SMIM36: variants seen among roughly 807,000 people sequenced by gnomAD.
The protein encoded by SMIM36 is small integral membrane protein 36.
chr17:55,531,532 A>G, the SMIM36 span, among the ~76,000 whole-genome samples: 2 of 152,220 alleles, frequency 1.3e-5, no homozygotes. Flanking sequence ...ATGAACAATA[A>G]ATATTTGTGG....
intron 1 of SMIM36, among the ~76,000 whole-genome samples, chr17:55,487,397 G>T (rs900316535): frequency 7.9e-5 from 12 of 152,128 alleles, no homozygotes; most frequent in East Asian, 5.8e-4. Flanking sequence ...TTTAGGACAG[G>T]GTTCTATGGG....
chr17:55,450,365 CA>C (rs1908889430), intron 4 of SMIM36, 67 bp from the exon 5 acceptor site: 1 of 152,228 alleles, frequency 6.6e-6, no homozygotes, highest in Non-Finnish European at 1.5e-5. Context: ...ATTGTTACAG[CA>C]GTCAAGTGAA....
chr17:55,523,982 C>A, the SMIM36 span, among the ~76,000 whole-genome samples: 2 of 151,950 alleles, frequency 1.3e-5, no homozygotes, highest in Non-Finnish European at 2.9e-5. Flanking sequence ...TAGGTGAACT[C>A]ATGTTACAGA....
At chr17:55,488,488 C>A (rs1909645903) in intron 1 of SMIM36, among the ~76,000 whole-genome samples, 2 of 152,292 alleles carry the variant, frequency 1.3e-5, no homozygotes, top group East Asian at 3.9e-4. Flanking sequence ...GTGCTTCTAG[C>A]ATACATATGT....
At chr17:55,477,866 T>TA (rs1025478678) in intron 3 of SMIM36, among the ~76,000 whole-genome samples, 8 of 146,422 alleles carry the variant, frequency 5.5e-5, no homozygotes, top group Non-Finnish European at 1.1e-4. Context: ...TTTTTTTTTT[T>TA]AAGAGAGAGA....
chr17:55,500,153 C>A (rs11656459), intron 1 of SMIM36, among the ~76,000 whole-genome samples: 2,403 of 151,954 alleles, frequency 0.016, 61 homozygotes, highest in African/African-American at 0.055. Context: ...CAGGGCCGTG[C>A]TCTGTTACCC....
intron 1 of SMIM36, among the ~76,000 whole-genome samples, chr17:55,508,946 A>T (rs1414378475): frequency 2.0e-5 from 3 of 151,794 alleles, no homozygotes; most frequent in Non-Finnish European, 4.4e-5. Flanking sequence ...AAAAAAAAAA[A>T]AAAAGTGAAG....
At chr17:55,524,661 C>T in the SMIM36 span, among the ~76,000 whole-genome samples, 1 of 152,126 alleles carries the variant, frequency 6.6e-6, no homozygotes, top group African/African-American at 2.4e-5. Context: ...TTGCATTTCT[C>T]TAGTTCACTA....
the SMIM36 span, among the ~76,000 whole-genome samples, chr17:55,528,867 C>A: frequency 6.6e-6 from 1 of 152,106 alleles, no homozygotes; most frequent in Admixed American, 6.6e-5. Context: ...AGTCTTAAAC[C>A]TATAACGTAA....
chr17:55,457,612 C>T (rs1025465353), intron 4 of SMIM36, among the ~76,000 whole-genome samples: 10 of 151,814 alleles, frequency 6.6e-5, no homozygotes, highest in African/African-American at 1.2e-4. Context: ...CTGCAACCTC[C>T]GCCTCCCGGG....
intron 1 of SMIM36, among the ~76,000 whole-genome samples, chr17:55,507,924 A>T (rs142374631): frequency 0.037 from 5,589 of 152,210 alleles, 320 homozygotes; most frequent in African/African-American, 0.12. Flanking sequence ...TTTGATAAAC[A>T]TAAAAATTAA....
chr17:55,487,547 G>T (rs1244179814), intron 1 of SMIM36, among the ~76,000 whole-genome samples: 1 of 152,146 alleles, frequency 6.6e-6, no homozygotes, highest in Admixed American at 6.5e-5. Flanking sequence ...GAGGGTTTAT[G>T]TAAGAAACAG....
At chr17:55,487,524 G>C (rs185386651) in intron 1 of SMIM36, among the ~76,000 whole-genome samples, 1 of 152,064 alleles carries the variant, frequency 6.6e-6, no homozygotes, top group African/African-American at 2.4e-5. Flanking sequence ...AAATTCCAGA[G>C]GCTAAAAAAG....
chr17:55,484,612 G>C (rs1030731909), intron 1 of SMIM36, among the ~76,000 whole-genome samples: 35 of 152,326 alleles, frequency 2.3e-4, no homozygotes, highest in African/African-American at 8.2e-4. Flanking sequence ...AAAAGATGAG[G>C]CTGCATCAGG....
intron 4 of SMIM36, chr17:55,458,320 T>A (rs1015720151): frequency 6.6e-6 from 1 of 152,198 alleles, no homozygotes; most frequent in Non-Finnish European, 1.5e-5. Flanking sequence ...AATGCTGGTG[T>A]AGCTGTTGGT....
At chr17:55,510,988 C>T (rs755421864) in exon 1 of SMIM36, 72 of 397,524 alleles carry the variant, frequency 1.8e-4, no homozygotes, top group Non-Finnish European at 2.7e-4. Flanking sequence ...ATTGGAGCCA[C>T]GATAGGGAGC....
At chr17:55,492,912 C>A (rs1269968478) in intron 1 of SMIM36, among the ~76,000 whole-genome samples, 1 of 152,168 alleles carries the variant, frequency 6.6e-6, no homozygotes, top group Non-Finnish European at 1.5e-5. Flanking sequence ...TCACCATATG[C>A]CTGAACTGAG....
At chr17:55,490,293 G>A (rs1464471845) in intron 1 of SMIM36, among the ~76,000 whole-genome samples, 2 of 152,142 alleles carry the variant, frequency 1.3e-5, no homozygotes, top group Non-Finnish European at 2.9e-5. Flanking sequence ...ATTCTGCCAG[G>A]TGGTATCCTG....
At chr17:55,524,124 C>T in the SMIM36 span, among the ~76,000 whole-genome samples, 1 of 152,078 alleles carries the variant, frequency 6.6e-6, no homozygotes, top group Non-Finnish European at 1.5e-5. Context: ...CCCTTTGCGT[C>T]TATAAATTCT....
Sources: gnomAD v4.1 joint callset for allele counts (sites outside exome capture counted in the v4.1 genomes callset) on GRCh38, gnomAD v4.1.1 for gene constraint, MANE v1.5 for transcripts, NCBI Gene and HGNC (gene_info 2026-07-23, HGNC 2026-07-21) for gene names.